The following DNM1L variants were observed in gnomAD, a reference collection of about 807,000 sequenced individuals.
DNM1L encodes dynamin-1-like protein.
A neutral mutation model predicts 92.8 loss-of-function variants in DNM1L; 33 were observed. That is an observed-to-expected ratio of 0.36 (90% CI 0.27 to 0.48). The LOEUF is 0.48. Among genes scored for constraint, DNM1L ranks in the 20% least tolerant of loss-of-function variants. DNM1L has a pLI of 0.99. For synonymous variants in DNM1L, 284 were observed against 305.0 expected, an observed-to-expected ratio of 0.93 and a Z score of 0.72; for missense variants, 485 against 888.8, an observed-to-expected ratio of 0.55 and a Z score of 5.78.
chr12:32,694,941 G>A (rs1952379889), intron 1 of DNM1L, among the ~76,000 whole-genome samples: 1 of 152,154 alleles, frequency 6.6e-6, no homozygotes, highest in Non-Finnish European at 1.5e-5. Flanking sequence ...TAATGGGTGA[G>A]TGAAAGGGAT....
At position 32,710,969 on chromosome 12, in the gene DNM1L, C is replaced by A; in HGVS notation, c.410C>A (p.Pro137His). The change falls in exon 5 of 20, where the codon CCC becomes CAC. Residue 137 changes from proline to histidine, a missense_variant. By Grantham distance (77) the Pro-to-His change is moderately conservative. Transcript: ENST00000549701. Reference sequence around the variant, plus strand: ...CCAATTCATCTTAAGATTTTTTCACCCAACGTTGTCAATTTGACACTTGTG... The same window carrying A: ...CCAATTCATCTTAAGATTTTTTCACACAACGTTGTCAATTTGACACTTGTG... ...PEPIHLKIFS[P>H]NVVNLTLVDL... 1 of 1,613,510 alleles carries A rather than the reference C, an allele frequency of 6.2e-7. No homozygotes were observed. Among genetic ancestry groups the A allele is most frequent in the Non-Finnish European group, 8.5e-7 (1 of 1,179,784 alleles).
At position 32,740,388 on chromosome 12, in the gene DNM1L, T is replaced by C. The variant is rs751369542; in HGVS notation, c.1885-21T>C. 7 of 1,611,918 alleles carry C rather than the reference T, an allele frequency of 4.3e-6. No individual in the cohort carries two copies. The South Asian group carries it at 5.5e-5, about 13-fold the overall frequency. ...TTTAGTGTCACAAAAGTAATATTTT[T>C]TCCCCCTCATCCCTATTTAGCCAGT... On this transcript the variant is annotated intron_variant, in intron 17 of 19. Coordinates refer to ENST00000549701, the MANE Select transcript of DNM1L (RefSeq NM_012062.5).
intron 3 of DNM1L, among the ~76,000 whole-genome samples, chr12:32,707,750 G>T (rs1055064595): frequency 6.6e-6 from 1 of 151,992 alleles, no homozygotes; most frequent in Non-Finnish European, 1.5e-5. Context: ...AGGAGTTCGA[G>T]TCCAGCCTAG....
At chr12:32,695,784 T>C (rs1952421401) in intron 1 of DNM1L, among the ~76,000 whole-genome samples, 1 of 151,574 alleles carries the variant, frequency 6.6e-6, no homozygotes, top group South Asian at 2.1e-4. Context: ...ATAAATTAAG[T>C]GAATGAATGA....
At chr12:32,679,854 G>A (rs979479823) in intron 1 of DNM1L, 3 of 996,692 alleles carry the variant, frequency 3.0e-6, no homozygotes, top group South Asian at 9.3e-5. Flanking sequence ...CTCGGGTCTC[G>A]CTGGGCTCGG....
intron 2 of DNM1L, 138 bp downstream of exon 2, chr12:32,701,700 T>G (rs1448364177): frequency 1.3e-6 from 1 of 784,204 alleles, no homozygotes; most frequent in East Asian, 2.7e-5. Context: ...GTATGCATCT[T>G]TCTTAATGTA....
At position 32,707,376 on chromosome 12, in the gene DNM1L, C is replaced by A; in HGVS notation, c.260C>A (p.Ala87Glu). 6.2e-7 allele frequency: 1 copy of A among 1,605,666 alleles called. No individual in the cohort carries two copies. Among genetic ancestry groups the A allele is most frequent in the Non-Finnish European group, 8.5e-7 (1 of 1,176,234 alleles). The change falls in exon 3 of 20, where the codon GCA (alanine) becomes GAA (glutamate). Residue 87 changes from alanine (A) to glutamate (E), a missense_variant. Ala to Glu is a moderately radical substitution (Grantham distance 107). Transcript: ENST00000549701. The part of the protein sequence containing the change: ...KTTGEENGVE[A>E]EEWGKFLHTK... Reference sequence around the variant, plus strand: ...TTTTTCTTTTTTCCAGGGGTGGAAGCAGAAGAATGGGGTAAATTTCTTCAC... The same window carrying A: ...TTTTTCTTTTTTCCAGGGGTGGAAGAAGAAGAATGGGGTAAATTTCTTCAC...
chr12:32,687,732 G>T (rs760397359), intron 1 of DNM1L, among the ~76,000 whole-genome samples: 3 of 152,088 alleles, frequency 2.0e-5, no homozygotes, highest in Non-Finnish European at 4.4e-5. Context: ...ATACAGGCAT[G>T]AGCCACCATG....
At chr12:32,681,956 G>T (rs1014462828) in intron 1 of DNM1L, among the ~76,000 whole-genome samples, 20 of 151,762 alleles carry the variant, frequency 1.3e-4, no homozygotes, top group Non-Finnish European at 2.6e-4. Flanking sequence ...ATTCTGCGAT[G>T]GCACTCCAGC....
chr12:32,736,381 A>G (rs1954883021), intron 13 of DNM1L, among the ~76,000 whole-genome samples: 1 of 152,004 alleles, frequency 6.6e-6, no homozygotes, highest in South Asian at 2.1e-4. Context: ...TATTTTCATA[A>G]TCTTTTACCT....
At chr12:32,728,368 C>T (rs1400462516) in intron 9 of DNM1L, 1 of 152,114 alleles carries the variant, frequency 6.6e-6, no homozygotes, top group Non-Finnish European at 1.5e-5. Context: ...ACAAATGGGC[C>T]TTTGAAGAGT....
At chr12:32,685,560 C>T (rs1951977290) in intron 1 of DNM1L, among the ~76,000 whole-genome samples, 6 of 151,296 alleles carry the variant, frequency 4.0e-5, no homozygotes, top group Middle Eastern at 3.4e-3. Context: ...CGAGGGTTTC[C>T]TTATATTGGT....
intron 1 of DNM1L, chr12:32,679,708 C>T: frequency 8.3e-7 from 1 of 1,209,210 alleles, no homozygotes; most frequent in Non-Finnish European, 1.0e-6. Flanking sequence ...CGCGGCGGGC[C>T]TGGCTAGCCC....
At chr12:32,743,206 A>T in intron 19 of DNM1L, 148 bp from the exon 20 acceptor site, 1 of 747,156 alleles carries the variant, frequency 1.3e-6, no homozygotes, top group Non-Finnish European at 2.2e-6. Flanking sequence ...GTACTTGATT[A>T]GATTCTAATT....
At chr12:32,720,420 C>A (rs752134059) in intron 7 of DNM1L, among the ~76,000 whole-genome samples, 15 of 152,154 alleles carry the variant, frequency 9.9e-5, no homozygotes, top group Non-Finnish European at 1.3e-4. Flanking sequence ...TAGTTACTTA[C>A]AATTCACTTA....
chr12:32,739,747 A>G, intron 16 of DNM1L: 1 of 313,614 alleles, frequency 3.2e-6, no homozygotes, highest in Non-Finnish European at 6.0e-6. Flanking sequence ...TACTTTTCCT[A>G]CAATTTAGTG....
intron 8 of DNM1L, among the ~76,000 whole-genome samples, chr12:32,721,744 C>G (rs1953820551): frequency 6.6e-6 from 1 of 152,218 alleles, no homozygotes; most frequent in East Asian, 1.9e-4. Context: ...AGACTGCCCC[C>G]AAGTCAGATG....
At chr12:32,712,385 C>A (rs969803440) in intron 5 of DNM1L, among the ~76,000 whole-genome samples, 62 of 152,078 alleles carry the variant, frequency 4.1e-4, no homozygotes, top group Non-Finnish European at 4.4e-5. Context: ...TTATTGCTCC[C>A]TTATTGGCTT....
chr12:32,743,021 G>A lies in DNM1L; in HGVS notation c.2154+273G>A, dbSNP rs7302961. 0.12 allele frequency among the ~76,000 whole-genome samples: 17,520 copies of A among 147,440 alleles called. 1,164 individuals carry two copies. The highest frequency in any genetic ancestry group is 0.2 in the Middle Eastern group (55 of 274). On this transcript the variant is annotated intron_variant, in intron 19 of 19. Transcript: ENST00000549701. ...CGCCATTCTCCTGCCTCAGCCTCCC[G>A]AGTAGCTGGGACTACAGGCGCCCAC...
Sources: allele counts gnomAD v4.1 joint callset (sites outside exome capture counted in the v4.1 genomes callset), GRCh38; gene constraint gnomAD v4.1.1; transcripts MANE v1.5; gene names NCBI Gene and HGNC (gene_info 2026-07-23, HGNC 2026-07-21).